The following TBC1D22A variants were observed in gnomAD, a reference collection of about 807,000 sequenced individuals.
TBC1D22A encodes the protein putative GTPase activator.
Under a neutral mutation model 60.2 loss-of-function variants are expected in TBC1D22A, and 38 were observed. That is an observed-to-expected ratio of 0.63 (90% CI 0.49 to 0.83). The LOEUF is 0.83. TBC1D22A is among the 40% of genes least tolerant of loss of function. The pLI, the probability that TBC1D22A is intolerant of heterozygous loss-of-function variation, is 0.00. For missense variants in TBC1D22A, 628 were observed against 701.0 expected (o/e 0.90, Z 1.18); for synonymous variants, 302 against 281.7 (o/e 1.07, Z -0.72).
At chr22:47,038,119 G>A (rs762120618) in intron 11 of TBC1D22A, among the ~76,000 whole-genome samples, 1 of 152,132 alleles carries the variant, frequency 6.6e-6, no homozygotes, top group Non-Finnish European at 1.5e-5. Context: ...GGGTTTACGC[G>A]CCAGCCTTTC....
chr22:46,910,165 G>A (rs1362040846), intron 7 of TBC1D22A, among the ~76,000 whole-genome samples: 1 of 152,146 alleles, frequency 6.6e-6, no homozygotes, highest in Non-Finnish European at 1.5e-5. Flanking sequence ...CATTCCACCC[G>A]CGTCTCTCAG....
intron 5 of TBC1D22A, among the ~76,000 whole-genome samples, chr22:46,887,462 A>C (rs769810970): frequency 6.6e-6 from 1 of 152,244 alleles, no homozygotes; most frequent in Non-Finnish European, 1.5e-5. Context: ...CTTAACAGAA[A>C]TGCATCTCAT....
chr22:46,948,553 C>T (rs1050145627), intron 8 of TBC1D22A, among the ~76,000 whole-genome samples: 1 of 152,142 alleles, frequency 6.6e-6, no homozygotes, highest in African/African-American at 2.4e-5. Context: ...GTGTATTGGT[C>T]GATAACCCTT....
At chr22:46,948,916 A>G (rs761356202) in intron 8 of TBC1D22A, among the ~76,000 whole-genome samples, 4 of 152,184 alleles carry the variant, frequency 2.6e-5, no homozygotes, top group African/African-American at 7.2e-5. Context: ...ACTGAACACT[A>G]TGTGCCGGGG....
intron 4 of TBC1D22A, among the ~76,000 whole-genome samples, chr22:46,807,030 A>T (rs1320849426): frequency 6.6e-6 from 1 of 152,266 alleles, no homozygotes; most frequent in Non-Finnish European, 1.5e-5. Flanking sequence ...GAGGATTGGC[A>T]GGTTCTGTGA....
intron 11 of TBC1D22A, among the ~76,000 whole-genome samples, chr22:47,052,838 G>A (rs1257043508): frequency 1.3e-5 from 2 of 152,208 alleles, no homozygotes; most frequent in African/African-American, 4.8e-5. Flanking sequence ...CCCACCACAC[G>A]GTGGTGCCCG....
chr22:46,892,272 T>C (rs2068445439), intron 6 of TBC1D22A, among the ~76,000 whole-genome samples: 1 of 148,630 alleles, frequency 6.7e-6, no homozygotes, highest in Non-Finnish European at 1.5e-5. Context: ...TAGCCACATC[T>C]CTTTGTTAGT....
At chr22:46,892,957 C>T (rs905319406) in intron 6 of TBC1D22A, among the ~76,000 whole-genome samples, 5 of 152,238 alleles carry the variant, frequency 3.3e-5, no homozygotes, top group African/African-American at 7.2e-5. Context: ...CTTAGAACTG[C>T]GCCTTCTGCG....
At chr22:47,111,648 T>C (rs372142568) in intron 12 of TBC1D22A, 45 bp downstream of exon 12, 3 of 1,542,368 alleles carry the variant, frequency 1.9e-6, no homozygotes, top group Non-Finnish European at 2.7e-6. Context: ...GATTTTCTAC[T>C]AGGAGAGAGG....
intron 8 of TBC1D22A, among the ~76,000 whole-genome samples, chr22:46,943,513 G>A (rs1001090868): frequency 2.0e-5 from 3 of 152,200 alleles, no homozygotes; most frequent in Non-Finnish European, 2.9e-5. Flanking sequence ...GGAGCATCGG[G>A]GACTGTGCCT....
intron 11 of TBC1D22A, among the ~76,000 whole-genome samples, chr22:47,097,789 A>G (rs2147652958): frequency 6.6e-6 from 1 of 152,166 alleles, no homozygotes; most frequent in Admixed American, 6.5e-5. Context: ...TCTTGCATAT[A>G]TTTGTGTAAT....
chr22:47,144,154 C>CT (rs1282347634), intron 12 of TBC1D22A, among the ~76,000 whole-genome samples: 1 of 152,216 alleles, frequency 6.6e-6, no homozygotes, highest in Non-Finnish European at 1.5e-5. Flanking sequence ...ATATCACTGT[C>CT]TCTCTAGAGA....
At chr22:47,150,174 C>T (rs968581442) in intron 12 of TBC1D22A, among the ~76,000 whole-genome samples, 2 of 152,156 alleles carry the variant, frequency 1.3e-5, no homozygotes, top group African/African-American at 2.4e-5. Flanking sequence ...GTCACTGGTG[C>T]ACTGTAAACG....
At chr22:47,138,135 G>T (rs2066942399) in intron 12 of TBC1D22A, among the ~76,000 whole-genome samples, 1 of 152,216 alleles carries the variant, frequency 6.6e-6, no homozygotes, top group African/African-American at 2.4e-5. Context: ...GTCCTCGTGG[G>T]ATCGTCCAGG....
intron 10 of TBC1D22A, among the ~76,000 whole-genome samples, chr22:47,036,225 A>G (rs187883570): frequency 1.3e-5 from 2 of 152,224 alleles, no homozygotes; most frequent in East Asian, 3.9e-4. Flanking sequence ...AATAATTAGT[A>G]ATGATTATTT....
chr22:47,027,471 T>C (rs2062295809), intron 10 of TBC1D22A, among the ~76,000 whole-genome samples: 1 of 152,176 alleles, frequency 6.6e-6, no homozygotes, highest in Non-Finnish European at 1.5e-5. Flanking sequence ...GGGTCCTTTA[T>C]CCTTCACCCC....
chr22:47,174,909 G>T lies in TBC1D22A; in HGVS notation c.*1283G>T, dbSNP rs146007926. On this transcript the variant is annotated 3_prime_UTR_variant, in exon 13 of 13. Transcript: ENST00000337137. ...GGGACTGGCTTCCCAGCGTTCCCTC[G>T]GTGTGTCACAGGCTGCATGACCCCT... 1 of 152,336 alleles carries T rather than the reference G, an allele frequency of 6.6e-6. No individual in the cohort carries two copies. The highest frequency in any genetic ancestry group is 1.9e-4 in the East Asian group (1 of 5,166). 9.4% of individuals were successfully genotyped at this position (152,336 alleles called of 1,614,324 possible).
Position 46,974,307 on chromosome 22 carries a change from A to G in TBC1D22A, c.1033A>G (p.Thr345Ala). 1 of 1,599,788 alleles carries G rather than the reference A, an allele frequency of 6.3e-7. No homozygotes were observed. The highest frequency in any genetic ancestry group is 8.5e-7 in the Non-Finnish European group (1 of 1,173,496). Residue 345 changes from threonine (T) to alanine (A), a missense_variant, in exon 9 of 13, where the codon ACG (threonine) becomes GCG (alanine). Coordinates refer to ENST00000337137, the MANE Select transcript of TBC1D22A (RefSeq NM_014346.5). ...CEYIEAEEVD[T>A]VDVSGVPAEV... ...CCGCCCAGAGGCAGAGGAGGTGGAC[A>G]CGGTGGACGTCTCCGGCGTGCCCGC...
intron 4 of TBC1D22A, among the ~76,000 whole-genome samples, chr22:46,821,861 C>A (rs2085845929): frequency 6.6e-6 from 1 of 152,096 alleles, no homozygotes; most frequent in African/African-American, 2.4e-5. Context: ...TCCCCATCCC[C>A]TTCTGGTACT....
Sources: gnomAD v4.1 joint callset for allele counts (sites outside exome capture counted in the v4.1 genomes callset) on GRCh38, gnomAD v4.1.1 for gene constraint, MANE v1.5 for transcripts, NCBI Gene and HGNC (gene_info 2026-07-23, HGNC 2026-07-21) for gene names.